Variants in NFIX observed in about 807,000 individuals in gnomAD.
NFIX encodes nuclear factor 1 X-type.
A neutral mutation model predicts 53.3 loss-of-function variants in NFIX; 2 were observed. That is an observed-to-expected ratio of 0.04 (90% CI 0.02 to 0.12). The LOEUF (loss-of-function observed/expected upper bound fraction) is 0.12, where lower values mean the gene tolerates loss of function less well. Among genes scored for constraint, NFIX ranks in the 10% least tolerant of loss-of-function variants. The pLI is 1.00. For missense variants in NFIX, 310 were observed against 674.5 expected, an observed-to-expected ratio of 0.46 and a Z score of 5.99; for synonymous variants, 244 against 289.0, an observed-to-expected ratio of 0.84 and a Z score of 1.58.
Position 13,036,629 on chromosome 19 carries a change from G to A in NFIX, c.559+11077G>A, listed in dbSNP as rs2014215868. ...TGGGGAGTGTGTCCTTATTATGCCTGCAGATTATATCCCCATTAGCGCATA... is the reference window on the plus strand; with the variant it reads ...TGGGGAGTGTGTCCTTATTATGCCTACAGATTATATCCCCATTAGCGCATA... On this transcript the variant is annotated intron_variant, in intron 2 of 10. Transcript: ENST00000592199. This position sits in a 1 kb window ranked among gnomAD's most constrained non-coding sequence, Gnocchi z 4.7. Among the ~76,000 whole-genome samples, 1 of 152,154 alleles carries A rather than the reference G, an allele frequency of 6.6e-6. No individual in the cohort carries two copies. Among genetic ancestry groups the A allele is most frequent in the Non-Finnish European group, 1.5e-5 (1 of 68,020 alleles).
At position 13,013,032 on chromosome 19, in the gene NFIX, T is replaced by C. The variant is rs924987949; in HGVS notation, c.28-11989T>C. Among the ~76,000 whole-genome samples, 1 of 151,518 alleles carries C rather than the reference T, an allele frequency of 6.6e-6. No homozygotes were observed. The stretch of plus-strand genomic sequence containing the variant: ...ATGCGCTTTCCCTTTCTCTCTCTTC[T>C]GCCTTCGGGCCGCGGGGAGTTGCGC... On this transcript the variant is annotated intron_variant, in intron 1 of 10. Coordinates refer to ENST00000592199, the MANE Select transcript of NFIX (RefSeq NM_001365902.3). This position sits in a 1 kb window ranked among gnomAD's most constrained non-coding sequence, Gnocchi z 5.9.
rs565982548 is a variant in NFIX, at chr19:13,011,968, C to A, written c.28-13053C>A. On this transcript the variant is annotated intron_variant, in intron 1 of 10. Transcript: ENST00000592199. This position sits in a 1 kb window ranked among gnomAD's most constrained non-coding sequence, Gnocchi z 6.5. ...GGAAGGTCGTGTGCTTTCCATGTCG[C>A]GGGCAAAATGGGTGCTGACGGTCAC... is the stretch of plus-strand genomic sequence containing the variant. 2.6e-5 allele frequency among the ~76,000 whole-genome samples: 4 copies of A among 152,096 alleles called. No individual in the cohort carries two copies. Among genetic ancestry groups the A allele is most frequent in the Admixed American group, 6.6e-5 (1 of 15,266 alleles).
chr19:13,022,281 TC>T lies in NFIX; in HGVS notation c.28-2739del, dbSNP rs1189341858. 6.6e-6 allele frequency among the ~76,000 whole-genome samples: 1 copy of T among 152,118 alleles called. No individual in the cohort carries two copies. The highest frequency in any genetic ancestry group is 1.5e-5 in the Non-Finnish European group (1 of 68,022). On this transcript the variant is annotated intron_variant, in intron 1 of 10. Transcript: ENST00000592199. This position sits in a 1 kb window ranked among gnomAD's most constrained non-coding sequence, Gnocchi z 4.5. ...AGCTGTGTTGCGTTGGCATCCCTCG[TC>T]ACCGCTAATGGAGTGTGCGTGGCTG...
rs1201177915 is a variant in NFIX, at chr19:13,002,707, A to G, written c.27+6843A>G. Among the ~76,000 whole-genome samples, 1 of 152,098 alleles carries G rather than the reference A, an allele frequency of 6.6e-6. No homozygotes were observed. Among genetic ancestry groups the G allele is most frequent in the East Asian group, 1.9e-4 (1 of 5,182 alleles). On this transcript the variant is annotated intron_variant, in intron 1 of 10. Coordinates refer to ENST00000592199, the MANE Select transcript of NFIX (RefSeq NM_001365902.3). This position sits in a 1 kb window ranked among gnomAD's most constrained non-coding sequence, Gnocchi z 6.1. ...ACCGATGTGGCTGCGCCAGCCAGGG[A>G]GGGGAGGCGGGTAGCGGGCACTGCG... is the stretch of plus-strand genomic sequence containing the variant.
intron 1 of NFIX, among the ~76,000 whole-genome samples, chr19:13,017,432 A>G (rs2012726423): frequency 6.6e-6 from 1 of 152,192 alleles, no homozygotes; most frequent in Admixed American, 6.5e-5. Context: ...GGCTGAAGCA[A>G]TTGCAAGAAA....
rs1350136774 is a variant in NFIX at position 13,098,600 on chromosome 19, C to CGA, written c.*3951_*3952insGA. 3.3e-5 allele frequency: 5 copies of CGA among 150,748 alleles called. No homozygotes were observed. The highest frequency in any genetic ancestry group is 7.4e-5 in the Non-Finnish European group (5 of 67,840). 9.3% of individuals were successfully genotyped at this position (150,748 alleles called of 1,614,324 possible). Reference sequence around the variant, plus strand: ...ATAAGAAACAAGGGTAGTTTACTGTCTGTTTTGTTTTCTGGGTTTTCAGTG... The same window carrying CGA: ...ATAAGAAACAAGGGTAGTTTACTGTCGATGTTTTGTTTTCTGGGTTTTCAGTG... On this transcript the variant is annotated 3_prime_UTR_variant, in exon 11 of 11. Coordinates refer to ENST00000592199, the MANE Select transcript of NFIX (RefSeq NM_001365902.3).
chr19:13,078,732 C>T lies in NFIX; in HGVS notation c.1075C>T (p.Pro359Ser). ...HPLPVLAGVR[P>S]GSPRATASAL... is the part of the protein sequence containing the mutation. ...GCTGCCTGTGCTTGCTGGAGTCAGA[C>T]CAGGTGAGAAATGGGGGGCCCCGGA... Residue 359 changes from proline (P) to serine (S), a missense_variant, in exon 7 of 11, where the codon CCA becomes TCA. Transcript: ENST00000592199. This position sits in a 1 kb window ranked among gnomAD's most constrained non-coding sequence, Gnocchi z 4.7. 1 of 1,600,476 alleles carries T rather than the reference C, an allele frequency of 6.2e-7. No individual in the cohort carries two copies. Among genetic ancestry groups the T allele is most frequent in the Non-Finnish European group, 8.5e-7 (1 of 1,173,850 alleles).
intron 1 of NFIX, among the ~76,000 whole-genome samples, chr19:13,023,070 T>TTCTCTCTCTCTCTCTC (rs3840930): frequency 0.032 from 4,387 of 137,970 alleles, 126 homozygotes; most frequent in African/African-American, 0.052. Flanking sequence ...TTCTCTCTCT[T>TTCTCTCTCTCTCTCTC]TCTCTCTCTC....
intron 1 of NFIX, among the ~76,000 whole-genome samples, chr19:13,018,158 G>C (rs2012764607): frequency 6.6e-6 from 1 of 152,162 alleles, no homozygotes; most frequent in Admixed American, 6.5e-5. Flanking sequence ...AGTTGCCTTA[G>C]AGAGAATAGA....
At chr19:13,016,403 AT>A (rs141815823) in intron 1 of NFIX, among the ~76,000 whole-genome samples, 2,214 of 152,226 alleles carry the variant, frequency 0.015, 40 homozygotes, top group African/African-American at 0.05. Context: ...TAGAGGTAGG[AT>A]TTTAACATCT....
chr19:13,016,593 C>T (rs1432000696), intron 1 of NFIX, among the ~76,000 whole-genome samples: 2 of 142,388 alleles, frequency 1.4e-5, no homozygotes, highest in Non-Finnish European at 1.5e-5. Flanking sequence ...ATTTATACTT[C>T]GGTTTTCTGC....
chr19:13,019,339 C>T (rs2012835951), intron 1 of NFIX, among the ~76,000 whole-genome samples: 1 of 152,180 alleles, frequency 6.6e-6, no homozygotes, highest in Non-Finnish European at 1.5e-5. Context: ...ATAATCCATA[C>T]AGGCTCAGTG....
chr19:13,003,573 C>T (rs1599705102), intron 1 of NFIX, among the ~76,000 whole-genome samples: 1 of 152,182 alleles, frequency 6.6e-6, no homozygotes, highest in Admixed American at 6.5e-5. Flanking sequence ...ACACACAAAA[C>T]ACCCCACACA....
At position 12,995,819 on chromosome 19, in the gene NFIX, C is replaced by G. The variant is rs1315918889; in HGVS notation, c.-19C>G. 1.0e-6 allele frequency: 1 copy of G among 995,696 alleles called. No homozygotes were observed. Among genetic ancestry groups the G allele is most frequent in the African/African-American group, 1.8e-5 (1 of 56,470 alleles). 61.7% of individuals were successfully genotyped at this position (995,696 alleles called of 1,614,324 possible). A position where few individuals can be genotyped will look rare whatever the true frequency, so the allele number is the denominator to read the frequency against. ...CCTCGCCGCGGCCGGCCGCCGCGCTCCCGCCCGGGCGCCCAGCTATGTACT... is the reference window on the plus strand; with the variant it reads ...CCTCGCCGCGGCCGGCCGCCGCGCTGCCGCCCGGGCGCCCAGCTATGTACT... On this transcript the variant is annotated 5_prime_UTR_variant, in exon 1 of 11. Transcript: ENST00000592199.
chr19:13,032,365 T>A (rs534744547), intron 2 of NFIX, among the ~76,000 whole-genome samples: 1 of 152,216 alleles, frequency 6.6e-6, no homozygotes, highest in South Asian at 2.1e-4. Context: ...TACAAACACT[T>A]TGGGCAGATC....
rs186614305 is a variant in NFIX at position 13,005,060 on chromosome 19, G to A, written c.27+9196G>A. ...TCAAACTCCTGGCCTCAAGTGATCC[G>A]CCCGCCTCGGCCTCCCAAAGTGCTG... On this transcript the variant is annotated intron_variant, in intron 1 of 10. Transcript: ENST00000592199. This position sits in a 1 kb window ranked among gnomAD's most constrained non-coding sequence, Gnocchi z 4.7. 5.9e-5 allele frequency among the ~76,000 whole-genome samples: 9 copies of A among 152,006 alleles called. No individual in the cohort carries two copies. The highest frequency in any genetic ancestry group is 2.6e-4 in the Admixed American group (4 of 15,282).
chr19:13,009,844 C>A lies in NFIX; in HGVS notation c.27+13980C>A, dbSNP rs907338031. ...CATGTGGACGGCTGGAGTTGGTCCG[C>A]AGTGGTGGCAGCTTGTGGTCCTTTG... On this transcript the variant is annotated intron_variant, in intron 1 of 10. Transcript: ENST00000592199. This position sits in a 1 kb window ranked among gnomAD's most constrained non-coding sequence, Gnocchi z 4.7. 2.0e-5 allele frequency among the ~76,000 whole-genome samples: 3 copies of A among 152,208 alleles called. No homozygotes were observed. Among genetic ancestry groups the A allele is most frequent in the African/African-American group, 7.2e-5 (3 of 41,450 alleles).
chr19:13,010,029 C>T (rs2012243011), intron 1 of NFIX, among the ~76,000 whole-genome samples: 1 of 152,178 alleles, frequency 6.6e-6, no homozygotes, highest in Admixed American at 6.5e-5. Context: ...CCGCCTCCAC[C>T]GCCCCAGGGG....
At position 13,090,331 on chromosome 19, in the gene NFIX, C is replaced by T; in HGVS notation, c.1435C>T (p.Arg479Trp). The T allele has an allele frequency of 1.9e-6, 3 of 1,613,962 alleles. No individual in the cohort carries two copies. The highest frequency in any genetic ancestry group is 2.5e-6 in the Non-Finnish European group (3 of 1,179,884). The part of the protein sequence containing the change: ...FATTGASSAN[R>W]FVSIGPRDGN... ...AACGACAGGCGCCTCCTCTGCCAACCGGTTTGTCAGCATCGGACCCCGGGA... is the reference window on the plus strand; with the variant it reads ...AACGACAGGCGCCTCCTCTGCCAACTGGTTTGTCAGCATCGGACCCCGGGA... Residue 479 changes from arginine to tryptophan, a missense_variant, in exon 10 of 11, where the codon CGG becomes TGG. Coordinates refer to ENST00000592199, the MANE Select transcript of NFIX (RefSeq NM_001365902.3). This position sits in a 1 kb window ranked among gnomAD's most constrained non-coding sequence, Gnocchi z 6.6.
Sources: gnomAD v4.1 joint callset for allele counts (sites outside exome capture counted in the v4.1 genomes callset) on GRCh38, gnomAD v4.1.1 for gene constraint, Gnocchi (gnomAD v3.1) non-coding constraint, MANE v1.5 for transcripts, NCBI Gene and HGNC (gene_info 2026-07-23, HGNC 2026-07-21) for gene names.